CLASP1: variants seen among roughly 807,000 people sequenced by gnomAD.
CLASP1 encodes the protein CLIP-associating protein 1.
CLASP1 carries 38 observed loss-of-function variants against 192.3 expected under a neutral mutation model. The ratio of observed to expected loss-of-function variants is 0.20; its 90% CI spans 0.15 to 0.26. The LOEUF is 0.26. Among genes scored for constraint, CLASP1 ranks in the 10% least tolerant of loss-of-function variants. CLASP1 has a pLI of 1.00. For missense variants in CLASP1, 1,433 were observed against 1,932.5 expected (o/e 0.74, Z 4.85); for synonymous variants, 691 against 712.8 (o/e 0.97, Z 0.49).
At chr2:121,531,042 A>C (rs942599416) in intron 2 of CLASP1, 1 of 698,862 alleles carries the variant, frequency 1.4e-6, no homozygotes, top group South Asian at 1.5e-5. Flanking sequence ...ATCAGTTCAA[A>C]CAGCAGTAAT....
intron 2 of CLASP1, among the ~76,000 whole-genome samples, chr2:121,534,586 G>A (rs1165096421): frequency 2.0e-5 from 3 of 152,036 alleles, no homozygotes; most frequent in East Asian, 3.8e-4. Context: ...TGCCCAGGCT[G>A]GAGTGCAATG....
intron 1 of CLASP1, among the ~76,000 whole-genome samples, chr2:121,632,882 G>A (rs1326905838): frequency 6.8e-6 from 1 of 146,136 alleles, no homozygotes; most frequent in East Asian, 2.0e-4. Context: ...GGCAGCAAGA[G>A]TGAAACTCCA....
At chr2:121,343,891 T>C (rs2063101970) in intron 39 of CLASP1, among the ~76,000 whole-genome samples, 1 of 151,974 alleles carries the variant, frequency 6.6e-6, no homozygotes, top group African/African-American at 2.4e-5. Flanking sequence ...ACCAACATGG[T>C]GAAACCCCAT....
intron 22 of CLASP1, among the ~76,000 whole-genome samples, chr2:121,421,745 G>A (rs574692371): frequency 6.6e-6 from 1 of 152,092 alleles, no homozygotes; most frequent in Non-Finnish European, 1.5e-5. Flanking sequence ...GTTTTGCCAT[G>A]GTGGTCAGGC....
intron 2 of CLASP1, among the ~76,000 whole-genome samples, chr2:121,604,622 A>G (rs763328202): frequency 2.2e-4 from 33 of 152,292 alleles, no homozygotes; most frequent in Admixed American, 3.9e-4. Flanking sequence ...GAGCCAAGAT[A>G]GTGCCACTGC....
At chr2:121,357,096 A>G (rs2065554733) in intron 37 of CLASP1, among the ~76,000 whole-genome samples, 1 of 152,204 alleles carries the variant, frequency 6.6e-6, no homozygotes, top group African/African-American at 2.4e-5. Flanking sequence ...AACGCTGACA[A>G]TGTACCGGCT....
intron 8 of CLASP1, among the ~76,000 whole-genome samples, chr2:121,496,334 CATCAAGTG>C (rs1172808122): frequency 3.9e-5 from 6 of 152,174 alleles, no homozygotes; most frequent in Non-Finnish European, 7.4e-5. Flanking sequence ...CCAAGGCAGC[CATCAAGTG>C]ATCAGAACCT....
chr2:121,425,574 T>C (rs1239689224), intron 21 of CLASP1, among the ~76,000 whole-genome samples: 1 of 152,218 alleles, frequency 6.6e-6, no homozygotes, highest in East Asian at 1.9e-4. Context: ...AAGGTGTTTA[T>C]TCTTATTTTG....
chr2:121,447,544 C>T, intron 18 of CLASP1, 37 bp from the exon 19 acceptor site: 2 of 1,482,194 alleles, frequency 1.3e-6, no homozygotes, highest in Non-Finnish European at 9.1e-7. Context: ...ATAAGGACTA[C>T]ATAGAATTTT....
At chr2:121,596,197 A>G (rs572505548) in intron 2 of CLASP1, among the ~76,000 whole-genome samples, 1 of 152,324 alleles carries the variant, frequency 6.6e-6, no homozygotes, top group African/African-American at 2.4e-5. Context: ...ACCTTTCCTA[A>G]GGTTTTTTGC....
chr2:121,470,293 CTTTTTTTTTTTTTTT>C (rs70954550), intron 8 of CLASP1: 121 of 309,026 alleles, frequency 3.9e-4, no homozygotes, highest in South Asian at 1.2e-3. Flanking sequence ...ACCATCCATG[CTTTTTTTTTTTTTTT>C]TTTTTTTTTT....
intron 25 of CLASP1, among the ~76,000 whole-genome samples, chr2:121,405,483 C>G (rs955079205): frequency 6.6e-6 from 1 of 152,174 alleles, no homozygotes; most frequent in African/African-American, 2.4e-5. Context: ...CATTGGTGCC[C>G]TTTGCCTTTT....
intron 8 of CLASP1, among the ~76,000 whole-genome samples, chr2:121,477,762 C>T (rs951163519): frequency 6.6e-6 from 1 of 151,972 alleles, no homozygotes; most frequent in Admixed American, 6.6e-5. Context: ...TTCATAATAC[C>T]ACTGCAGTCA....
chr2:121,440,451 G>A lies in CLASP1; in HGVS notation c.1912+6886C>T, dbSNP rs534275238. ...ACAGTGGCTCACGCCTGTAATCCCA[G>A]CACTTTGGGAGGCCAAGGCACGAGG... On this transcript the variant is annotated intron_variant, in intron 19 of 39. Coordinates refer to ENST00000263710, the Ensembl canonical transcript of CLASP1. Among the ~76,000 whole-genome samples, 16 of 152,322 alleles carry A rather than the reference G, an allele frequency of 1.1e-4. 1 individual carries two copies. The South Asian group carries it at 3.3e-3, about 32-fold the overall frequency.
intron 23 of CLASP1, among the ~76,000 whole-genome samples, chr2:121,412,837 C>G (rs2077942079): frequency 2.0e-5 from 3 of 152,094 alleles, no homozygotes; most frequent in Admixed American, 2.0e-4. Flanking sequence ...ATGTTTTCGC[C>G]AGAGCAAAGT....
chr2:121,448,378 C>T, intron 17 of CLASP1, 53 bp from the exon 18 acceptor site: 2 of 1,326,996 alleles, frequency 1.5e-6, no homozygotes, highest in African/African-American at 1.4e-5. Context: ...TGAATTAATA[C>T]AAATACAAAC....
chr2:121,372,667 T>C (rs189396144), intron 34 of CLASP1, among the ~76,000 whole-genome samples: 2 of 152,376 alleles, frequency 1.3e-5, no homozygotes, highest in Admixed American at 1.3e-4. Context: ...GCTCATGCCC[T>C]ATTCAATCCC....
chr2:121,494,769 C>T (rs1338201052), intron 8 of CLASP1, among the ~76,000 whole-genome samples: 3 of 152,176 alleles, frequency 2.0e-5, no homozygotes, highest in Non-Finnish European at 4.4e-5. Flanking sequence ...GCCTGTAATC[C>T]CAGCACTTTG....
intron 2 of CLASP1, among the ~76,000 whole-genome samples, chr2:121,579,893 A>C (rs2060943323): frequency 1.3e-5 from 2 of 152,248 alleles, no homozygotes; most frequent in South Asian, 4.1e-4. Flanking sequence ...AAAAGTAGTA[A>C]ATGAAGTCAT....
Sources: gnomAD v4.1 joint callset for allele counts (sites outside exome capture counted in the v4.1 genomes callset) on GRCh38, gnomAD v4.1.1 for gene constraint, MANE v1.5 for transcripts, NCBI Gene and HGNC (gene_info 2026-07-23, HGNC 2026-07-21) for gene names.